IQGAP2: variants seen among roughly 807,000 people sequenced by gnomAD.
The protein encoded by IQGAP2 is ras GTPase-activating-like protein IQGAP2.
In IQGAP2, 173 loss-of-function variants were observed where a neutral mutation model predicts 201.3. The ratio of observed to expected loss-of-function variants is 0.86; its 90% CI spans 0.76 to 0.98. The LOEUF is 0.98. Ranked by LOEUF, IQGAP2 falls within the 50% of genes least tolerant of loss-of-function variation. The pLI is 0.00. For missense variants in IQGAP2, 1,687 were observed against 1,864.8 expected, an observed-to-expected ratio of 0.90 and a Z score of 1.76; for synonymous variants, 675 against 673.9, an observed-to-expected ratio of 1.00 and a Z score of -0.03.
In IQGAP2 at chr5:76,625,900, CAT is replaced by C. The variant is rs376597259; in HGVS notation, c.1522-1509_1522-1508del. On this transcript the variant is annotated intron_variant, in intron 13 of 35. Coordinates refer to ENST00000274364, the MANE Select transcript of IQGAP2 (RefSeq NM_006633.5). The stretch of plus-strand genomic sequence containing the variant: ...AAATGTTCCCATTTGTTAAATGTCA[CAT>C]GTTTCCTGAAAATATCTCTGCTGAT... Among the ~76,000 whole-genome samples the C allele has an allele frequency of 4.1e-3, 627 of 152,338 alleles. 9 individuals are homozygous for C. Among genetic ancestry groups the C allele is most frequent in the African/African-American group, 0.014 (592 of 41,580 alleles).
chr5:76,680,795 A>T lies in IQGAP2; in HGVS notation c.3661-2320A>T, dbSNP rs998058889. On this transcript the variant is annotated intron_variant, in intron 28 of 35. Transcript: ENST00000274364. Reference sequence around the variant, plus strand: ...GACAGAGTCAGACCTTGTCTCATTTAAAAAAAAAAAAAAAAAAAAAAAATT... The same window carrying T: ...GACAGAGTCAGACCTTGTCTCATTTTAAAAAAAAAAAAAAAAAAAAAAATT... Among the ~76,000 whole-genome samples the T allele has an allele frequency of 7.3e-3, 862 of 117,304 alleles. 3 individuals carry two copies. Among genetic ancestry groups the T allele is most frequent in the Middle Eastern group, 0.022 (5 of 230 alleles). The allele number at this position is 117,304 out of a possible 152,430, so 77.0% of individuals were successfully genotyped here. A position where few individuals can be genotyped will look rare whatever the true frequency, so the allele number is the denominator to read the frequency against.
chr5:76,455,706 G>T (rs1337349894), intron 1 of IQGAP2, among the ~76,000 whole-genome samples: 1 of 152,094 alleles, frequency 6.6e-6, no homozygotes, highest in Non-Finnish European at 1.5e-5. Flanking sequence ...CCAGGCCCTA[G>T]TGACCTCACT....
intron 4 of IQGAP2, 73 bp from the exon 5 acceptor site, chr5:76,575,620 G>A: frequency 1.2e-6 from 1 of 814,132 alleles, no homozygotes; most frequent in Non-Finnish European, 2.0e-6. Flanking sequence ...AATCAAAATA[G>A]GGTCATTTTG....
chr5:76,437,295 T>G (rs6880493), intron 1 of IQGAP2, among the ~76,000 whole-genome samples: 14,480 of 151,920 alleles, frequency 0.095, 1,773 homozygotes, highest in African/African-American at 0.29. Context: ...TCAGGCAATC[T>G]GCCCACCTCA....
chr5:76,659,176 G>T, intron 21 of IQGAP2, among the ~76,000 whole-genome samples: 1 of 151,948 alleles, frequency 6.6e-6, no homozygotes, highest in East Asian at 1.9e-4. Context: ...TTTTAAGCCC[G>T]CCCATTTATA....
intron 15 of IQGAP2, among the ~76,000 whole-genome samples, chr5:76,633,043 T>G (rs1000062401): frequency 2.0e-5 from 3 of 152,190 alleles, no homozygotes; most frequent in Non-Finnish European, 4.4e-5. Flanking sequence ...TGTCTCATCC[T>G]TCATTGGGAA....
At chr5:76,662,740 C>T (rs971064973) in intron 21 of IQGAP2, among the ~76,000 whole-genome samples, 2 of 152,208 alleles carry the variant, frequency 1.3e-5, no homozygotes, top group African/African-American at 4.8e-5. Context: ...CCTAGATTCC[C>T]CCTTGACCTC....
At chr5:76,529,577 G>C (rs1452515297) in intron 2 of IQGAP2, among the ~76,000 whole-genome samples, 1 of 151,338 alleles carries the variant, frequency 6.6e-6, no homozygotes, top group African/African-American at 2.4e-5. Flanking sequence ...GCAGTGAGCC[G>C]AGATCGCGCC....
At chr5:76,621,704 C>G (rs1431956378) in intron 13 of IQGAP2, among the ~76,000 whole-genome samples, 1 of 152,168 alleles carries the variant, frequency 6.6e-6, no homozygotes, top group Non-Finnish European at 1.5e-5. Flanking sequence ...CGTGAGAATG[C>G]CAGATCTGGG....
chr5:76,509,571 T>A (rs144590224), intron 2 of IQGAP2, among the ~76,000 whole-genome samples: 1,613 of 152,156 alleles, frequency 0.011, 21 homozygotes, highest in African/African-American at 0.037. Flanking sequence ...TTTTTTTGTA[T>A]TTTTAGTAGA....
rs746818356 is a variant in IQGAP2 at position 76,673,627 on chromosome 5, G to C, written c.3209+38G>C. Reference sequence around the variant, plus strand: ...TGCAGCAAGTTTAACATTCTTTCCTGGAACGTTCTTGGAATACGATGTAAA... The same window carrying C: ...TGCAGCAAGTTTAACATTCTTTCCTCGAACGTTCTTGGAATACGATGTAAA... On this transcript the variant is annotated intron_variant, in intron 25 of 35. Coordinates refer to ENST00000274364, the MANE Select transcript of IQGAP2 (RefSeq NM_006633.5). 37 of 1,603,968 alleles carry C rather than the reference G, an allele frequency of 2.3e-5. No individual in the cohort carries two copies. In the South Asian group the frequency reaches 4.0e-4, roughly 17 times the overall value.
chr5:76,643,561 G>A (rs896755975), intron 17 of IQGAP2, among the ~76,000 whole-genome samples: 1 of 152,120 alleles, frequency 6.6e-6, no homozygotes, highest in Non-Finnish European at 1.5e-5. Flanking sequence ...AGATAATGGG[G>A]ATCCAATATT....
At chr5:76,689,367 C>G (rs1369076672) in intron 30 of IQGAP2, among the ~76,000 whole-genome samples, 1 of 151,568 alleles carries the variant, frequency 6.6e-6, no homozygotes, top group Non-Finnish European at 1.5e-5. Context: ...GCCTCGCCAT[C>G]AGTTTTCTCC....
chr5:76,666,637 A>G (rs1743779921), intron 22 of IQGAP2, among the ~76,000 whole-genome samples: 1 of 152,194 alleles, frequency 6.6e-6, no homozygotes. Flanking sequence ...GAAATCATAT[A>G]TTTTTCTTCT....
At chr5:76,688,996 T>G (rs147908991) in intron 30 of IQGAP2, among the ~76,000 whole-genome samples, 20 of 152,032 alleles carry the variant, frequency 1.3e-4, no homozygotes, top group African/African-American at 4.6e-4. Context: ...GAGGGCAAGG[T>G]CATTGTTCTT....
chr5:76,418,312 T>A (rs950898698), intron 1 of IQGAP2, among the ~76,000 whole-genome samples: 1 of 152,000 alleles, frequency 6.6e-6, no homozygotes, highest in African/African-American at 2.4e-5. Flanking sequence ...TGAATCCTAA[T>A]ATATGATTTT....
Position 76,581,042 on chromosome 5 carries a change from G to A in IQGAP2, c.458+5273G>A, listed in dbSNP as rs555686431. Among the ~76,000 whole-genome samples, 264 of 152,268 alleles carry A rather than the reference G, an allele frequency of 1.7e-3. 1 individual carries two copies. The highest frequency in any genetic ancestry group is 6.2e-3 in the African/African-American group (257 of 41,560). On this transcript the variant is annotated intron_variant, in intron 5 of 35. Transcript: ENST00000274364. ...CCGCTGCTGATACTGTAGCTGTGTC[G>A]CAGCAGCCATGTTTTCAGGTGCAAT...
At chr5:76,452,231 CTT>C (rs550343644) in intron 1 of IQGAP2, among the ~76,000 whole-genome samples, 1 of 136,210 alleles carries the variant, frequency 7.3e-6, no homozygotes. Flanking sequence ...TTTTTCTTTT[CTT>C]TTTTTTTTTT....
chr5:76,552,833 G>A (rs1480406374), intron 2 of IQGAP2, among the ~76,000 whole-genome samples: 1 of 152,168 alleles, frequency 6.6e-6, no homozygotes, highest in Non-Finnish European at 1.5e-5. Context: ...AAAGAGAAGA[G>A]TGAGACATAA....
Sources: gnomAD v4.1 joint callset for allele counts (sites outside exome capture counted in the v4.1 genomes callset) on GRCh38, gnomAD v4.1.1 for gene constraint, MANE v1.5 for transcripts, NCBI Gene and HGNC (gene_info 2026-07-23, HGNC 2026-07-21) for gene names.